MUC4: variants seen among roughly 807,000 people sequenced by gnomAD.
MUC4 encodes mucin 4, cell surface associated.
Under a neutral mutation model 257.9 loss-of-function variants are expected in MUC4, and 202 were observed. That is an observed-to-expected ratio of 0.78 (90% confidence interval 0.70 to 0.88). The LOEUF (loss-of-function observed/expected upper bound fraction) is 0.88, where lower values mean the gene tolerates loss of function less well. Among genes scored for constraint, MUC4 ranks in the 40% least tolerant of loss-of-function variants. The pLI is 0.00. For missense variants in MUC4, 5,976 were observed against 6,513.7 expected, an observed-to-expected ratio of 0.92 and a Z score of 2.84; for synonymous variants, 2,351 against 2,757.1, an observed-to-expected ratio of 0.85 and a Z score of 4.62.
chr3:195,764,417 T>G (rs973574822), intron 10 of MUC4, among the ~76,000 whole-genome samples: 1 of 152,056 alleles, frequency 6.6e-6, no homozygotes. Flanking sequence ...GGGCAGTGAA[T>G]AGGGTGCTGT....
chr3:195,779,574 A>T lies in MUC4; in HGVS notation c.12006T>A (p.Pro4002=). The T allele has an allele frequency of 6.9e-7, 1 of 1,446,474 alleles. No homozygotes were observed. The highest frequency in any genetic ancestry group is 9.2e-7 in the Non-Finnish European group (1 of 1,083,968). 89.6% of individuals were successfully genotyped at this position (1,446,474 alleles called of 1,614,324 possible). Residue 4002 remains proline, a synonymous_variant, in exon 2 of 25, where the codon CCT becomes CCA. Coordinates refer to ENST00000463781, the MANE Select transcript of MUC4 (RefSeq NM_018406.7). The stretch of plus-strand genomic sequence containing the variant: ...TAGATACTGAGGAAGTGCTGGTGAC[A>T]GGAAGAGGGGTGGCGTGACCTGTGG... The part of the protein sequence containing the change: ...SVSTGHATPL[P]VTSTSSVSTG...
Position 195,764,109 on chromosome 3 carries a change from G to C in MUC4, c.13980C>G (p.Leu4660=), listed in dbSNP as rs771266378. 2 of 1,603,858 alleles carry C rather than the reference G, an allele frequency of 1.2e-6. No individual in the cohort carries two copies. Among genetic ancestry groups the C allele is most frequent in the Non-Finnish European group, 1.7e-6 (2 of 1,175,830 alleles). ...GCCGCCTCTGCTGGTACAGGGCACA[G>C]AGGTAGGGCTTGTCATTCCAGCGGC... is the stretch of plus-strand genomic sequence containing the variant. ...WCCRWNDKPY[L]CALYQQRRPH... Residue 4660 remains leucine (L), a synonymous_variant, in exon 11 of 25, where the codon CTC becomes CTG. Transcript: ENST00000463781.
chr3:195,759,870 G>A (rs1230471100), intron 16 of MUC4, among the ~76,000 whole-genome samples: 2 of 152,090 alleles, frequency 1.3e-5, no homozygotes, highest in Admixed American at 1.3e-4. Context: ...GACGAGCCGA[G>A]ATCACGTCAC....
In MUC4 at chr3:195,783,992, G is replaced by T. The variant is rs772175757; in HGVS notation, c.7588C>A (p.Pro2530Thr). The change falls in exon 2 of 25, where the codon CCT (proline) becomes ACT (threonine). Residue 2530 changes from proline to threonine, a missense_variant. Pro to Thr is a conservative substitution (Grantham distance 38). Transcript: ENST00000463781. ...SASTGDTTPL[P>T]VTNASSLSTR... ...GATAATGAGGAAGCATTGGTGACAG[G>T]AAGAGGGGTGGTGTCACCTGTGGAT... is the stretch of plus-strand genomic sequence containing the variant. The T allele has an allele frequency of 2.6e-6, 4 of 1,531,012 alleles. No homozygotes were observed. In the African/African-American group the frequency reaches 6.2e-5, roughly 24 times the overall value. 94.8% of individuals were successfully genotyped at this position (1,531,012 alleles called of 1,614,324 possible).
chr3:195,788,676 C>A lies in MUC4; in HGVS notation c.2904G>T (p.Thr968=), dbSNP rs569723998. ...GAGGGGTGGCGTTGCTGATGAGGGC[C>A]GTGGTGAAGGTTTTACCAGACCCTG... ...SPSGSGKTFT[T]ALISNATPLP... is the part of the protein sequence containing the mutation. The change falls in exon 2 of 25, where the codon ACG becomes ACT. Residue 968 remains threonine (T), a synonymous_variant. Transcript: ENST00000463781. 35 of 1,593,638 alleles carry A rather than the reference C, an allele frequency of 2.2e-5. No individual in the cohort carries two copies. The highest frequency in any genetic ancestry group is 1.0e-4 in the Admixed American group (6 of 58,908).
intron 20 of MUC4, among the ~76,000 whole-genome samples, chr3:195,752,818 G>A (rs1716740594): frequency 6.6e-6 from 1 of 152,238 alleles, no homozygotes; most frequent in African/African-American, 2.4e-5. Context: ...CCAGCTGTGA[G>A]GTCTCTGCCT....
chr3:195,782,613 G>T lies in MUC4; in HGVS notation c.8967C>A (p.His2989Gln). The T allele has an allele frequency of 2.2e-6, 2 of 905,710 alleles. 1 individual carries two copies. The highest frequency in any genetic ancestry group is 3.1e-6 in the Non-Finnish European group (2 of 635,934). The allele number at this position is 905,710 out of a possible 1,614,324, so 56.1% of individuals were successfully genotyped here. Residue 2989 changes from histidine to glutamine, a missense_variant, in exon 2 of 25, where the codon CAC becomes CAA. His to Gln is a conservative substitution (Grantham distance 24). Transcript: ENST00000463781. ...TGTCGGTGACAGGAAGAAGGGTGGC[G>T]TGACCTGTGGATGCTGAGGAAGTGT... is the stretch of plus-strand genomic sequence containing the variant. ...DTDTSSASTG[H>Q]ATLLPVTDTS...
chr3:195,749,003 G>C lies in MUC4; in HGVS notation c.15933C>G (p.Val5311=). 3 of 1,609,950 alleles carry C rather than the reference G, an allele frequency of 1.9e-6. No homozygotes were observed. Among genetic ancestry groups the C allele is most frequent in the Non-Finnish European group, 2.5e-6 (3 of 1,178,032 alleles). ...AGGTGAAGCCGCTCTGGGGGCTGTA[G>C]ACCAGGTCGTAGCCCTTGTAGCCAT... ...RCDGYKGYDL[V]YSPQSGFTCV... The change falls in exon 24 of 25, where the codon GTC becomes GTG. Residue 5311 remains valine (V), a synonymous_variant. Coordinates refer to ENST00000463781, the MANE Select transcript of MUC4 (RefSeq NM_018406.7).
intron 1 of MUC4, among the ~76,000 whole-genome samples, chr3:195,797,748 A>G (rs769568001): frequency 1.7e-4 from 26 of 152,246 alleles, no homozygotes; most frequent in Non-Finnish European, 2.6e-4. Flanking sequence ...AATTGTTTAC[A>G]TAGAAACTTC....
chr3:195,810,550 C>T lies in MUC4; in HGVS notation c.82+1186G>A, dbSNP rs1736571818. On this transcript the variant is annotated intron_variant, in intron 1 of 24. Transcript: ENST00000463781. The surrounding 1 kb of genome is among the most constrained non-coding windows in gnomAD (Gnocchi z 4.2). Reference sequence around the variant, plus strand: ...TCCCAGCTCTGTACACGGAGGAGCCCAAGGCCAATGCCGGGGCTACGAGCC... The same window carrying T: ...TCCCAGCTCTGTACACGGAGGAGCCTAAGGCCAATGCCGGGGCTACGAGCC... Among the ~76,000 whole-genome samples, 3 of 152,200 alleles carry T rather than the reference C, an allele frequency of 2.0e-5. No homozygotes were observed. Among genetic ancestry groups the T allele is most frequent in the South Asian group, 4.1e-4 (2 of 4,834 alleles).
In MUC4 at chr3:195,771,331, TCG is replaced by T. The variant is rs2148862011; in HGVS notation, c.13242+319_13242+320del. On this transcript the variant is annotated intron_variant, in intron 5 of 24. Coordinates refer to ENST00000463781, the MANE Select transcript of MUC4 (RefSeq NM_018406.7). ...TGGGTTGGGGTATTCCTGGTCAGTCTCGTGGTTGGGTTGGGGTATTCCTGGTC... is the reference window on the plus strand; with the variant it reads ...TGGGTTGGGGTATTCCTGGTCAGTCTTGGTTGGGTTGGGGTATTCCTGGTC... Among the ~76,000 whole-genome samples the T allele has an allele frequency of 4.9e-5, 7 of 143,202 alleles. 1 individual carries two copies. Among genetic ancestry groups the T allele is most frequent in the East Asian group, 2.1e-4 (1 of 4,658 alleles). The allele number at this position is 143,202 out of a possible 152,430, so 93.9% of individuals were successfully genotyped here.
In MUC4 at chr3:195,754,490, C is replaced by T; in HGVS notation, c.15169-118G>A. On this transcript the variant is annotated intron_variant, in intron 18 of 24. Transcript: ENST00000463781. ...GTGGACCCTGAGTCATGTCTCAGCC[C>T]CACCAGCACCTGCTGAGCACCTTCT... is the stretch of plus-strand genomic sequence containing the variant. 2.3e-6 allele frequency: 3 copies of T among 1,278,084 alleles called. No individual in the cohort carries two copies. In the South Asian group the frequency reaches 4.6e-5, roughly 20 times the overall value. 79.2% of individuals were successfully genotyped at this position (1,278,084 alleles called of 1,614,324 possible).
In MUC4 at chr3:195,755,212, T is replaced by A. The variant is rs1040555168; in HGVS notation, c.15169-840A>T. Among the ~76,000 whole-genome samples, 2 of 151,728 alleles carry A rather than the reference T, an allele frequency of 1.3e-5. No homozygotes were observed. The highest frequency in any genetic ancestry group is 2.4e-5 in the African/African-American group (1 of 41,276). ...TGTATTTTTCTTCTGCTTTTTTTTT[T>A]AATGAGACAGTCTCGTTCTGTTTCC... On this transcript the variant is annotated intron_variant, in intron 18 of 24. Transcript: ENST00000463781. The surrounding 1 kb of genome is among the most constrained non-coding windows in gnomAD (Gnocchi z 5.0).
Position 195,784,596 on chromosome 3 carries a change from T to G in MUC4, c.6984A>C (p.Ser2328=), listed in dbSNP as rs1210998100. ...GAGGCGTGGTGTCACCTGTGGATGC[T>G]GAGGAAAGGCTGGTGACAGGAAGAG... The part of the protein sequence containing the change: ...ATPLPVTSLS[S]ASTGDTTPLP... Residue 2328 remains serine (S), a synonymous_variant, in exon 2 of 25, where the codon TCA becomes TCC. Transcript: ENST00000463781. The G allele has an allele frequency of 7.1e-7, 1 of 1,414,532 alleles. No individual in the cohort carries two copies. The highest frequency in any genetic ancestry group is 9.5e-7 in the Non-Finnish European group (1 of 1,050,096). The allele number at this position is 1,414,532 out of a possible 1,614,324, so 87.6% of individuals were successfully genotyped here. A position where few individuals can be genotyped will look rare whatever the true frequency, so the allele number is the denominator to read the frequency against.
intron 5 of MUC4, chr3:195,770,961 G>A: frequency 4.6e-6 from 2 of 433,240 alleles, no homozygotes; most frequent in South Asian, 1.6e-5. Context: ...GGCCGGGTTG[G>A]GGTATTCCTG....
Position 195,789,676 on chromosome 3 carries a change from G to A in MUC4, c.1904C>T (p.Ser635Phe). 1 of 1,614,004 alleles carries A rather than the reference G, an allele frequency of 6.2e-7. No individual in the cohort carries two copies. Among genetic ancestry groups the A allele is most frequent in the Non-Finnish European group, 8.5e-7 (1 of 1,179,892 alleles). ...CGGGGCTTGAGTGTGACCCCTTTGG[G>A]AAACAGCTGGTGATTCCTGAGGAGA... ...STSPQESPAV[S>F]QRGHTQAPQT... Residue 635 changes from serine to phenylalanine, a missense_variant, in exon 2 of 25, where the codon TCC becomes TTC. Physicochemically the swap from Ser to Phe is radical, Grantham distance 155. Coordinates refer to ENST00000463781, the MANE Select transcript of MUC4 (RefSeq NM_018406.7).
intron 1 of MUC4, among the ~76,000 whole-genome samples, chr3:195,794,581 C>T (rs1436285501): frequency 2.0e-5 from 3 of 152,088 alleles, no homozygotes; most frequent in African/African-American, 7.2e-5. Context: ...AGGCTGGTGT[C>T]GAACTCCCGG....
intron 1 of MUC4, among the ~76,000 whole-genome samples, chr3:195,791,746 G>T (rs1004775568): frequency 1.6e-4 from 25 of 152,090 alleles, no homozygotes; most frequent in East Asian, 1.9e-4. Context: ...ATACTACAAG[G>T]CTACAGTAAC....
At position 195,783,901 on chromosome 3, in the gene MUC4, G is replaced by C. The variant is rs1363488862; in HGVS notation, c.7679C>G (p.Ser2560Cys). The C allele has an allele frequency of 1.6e-5, 24 of 1,511,614 alleles. No homozygotes were observed. The highest frequency in any genetic ancestry group is 2.5e-5 in the East Asian group (1 of 39,324). The allele number at this position is 1,511,614 out of a possible 1,614,324, so 93.6% of individuals were successfully genotyped here. The change falls in exon 2 of 25, where the codon TCT becomes TGT. Residue 2560 changes from serine to cysteine, a missense_variant. Transcript: ENST00000463781. ...TGCGGAAGTGTCGGTGACAGGAAGAGAGGTGGCGTGACCTGTGGATGCTGA... is the reference window on the plus strand; with the variant it reads ...TGCGGAAGTGTCGGTGACAGGAAGACAGGTGGCGTGACCTGTGGATGCTGA... ...PSSASTGHAT[S>C]LPVTDTSAAS...
Sources: allele counts gnomAD v4.1 joint callset (sites outside exome capture counted in the v4.1 genomes callset), GRCh38; gene constraint gnomAD v4.1.1; non-coding constraint Gnocchi (gnomAD v3.1); transcripts MANE v1.5; gene names NCBI Gene and HGNC (gene_info 2026-07-23, HGNC 2026-07-21).